Variants in RRM2 observed in about 807,000 individuals in gnomAD.
RRM2 encodes the protein ribonucleotide reductase regulatory subunit M2.
A neutral mutation model predicts 45.9 loss-of-function variants in RRM2; 6 were observed. The ratio of observed to expected loss-of-function variants is 0.13; its 90% CI spans 0.07 to 0.26. RRM2 has a LOEUF of 0.26. Ranked by LOEUF, RRM2 falls within the 10% of genes least tolerant of loss-of-function variation. The pLI, the probability that RRM2 is intolerant of heterozygous loss-of-function variation, is 1.00. For missense variants in RRM2, 343 were observed against 489.5 expected (o/e 0.70, Z 2.82); for synonymous variants, 177 against 173.0 (o/e 1.02, Z -0.18).
rs1306820223 is a variant in RRM2 at position 10,129,181 on chromosome 2, G to C, written c.1017+27G>C. On this transcript the variant is annotated intron_variant, in intron 9 of 9. Coordinates refer to ENST00000304567, the MANE Select transcript of RRM2 (RefSeq NM_001034.4). The surrounding 1 kb of genome is among the most constrained non-coding windows in gnomAD (Gnocchi z 4.8). ...TAAAGTATTGTTTACATAGCCTTTT[G>C]CTTGTTTTGAAGCTGGTGCTCTGTA... 1 of 1,613,886 alleles carries C rather than the reference G, an allele frequency of 6.2e-7. No homozygotes were observed. Among genetic ancestry groups the C allele is most frequent in the Admixed American group, 1.7e-5 (1 of 60,014 alleles).
At chr2:10,166,053 G>A (rs1007953214) in intron 3 of RRM2, among the ~76,000 whole-genome samples, 7 of 152,204 alleles carry the variant, frequency 4.6e-5, no homozygotes, top group South Asian at 2.1e-4. Flanking sequence ...TTGCTGGGTC[G>A]TCACAGGGGC....
At chr2:10,142,446 A>G in intron 3 of RRM2, 2 of 1,344,304 alleles carry the variant, frequency 1.5e-6, no homozygotes, top group Non-Finnish European at 2.0e-6. Flanking sequence ...GGGGCCTGTC[A>G]TCTGCTGTTT....
intron 5 of RRM2, among the ~76,000 whole-genome samples, chr2:10,126,057 G>A (rs1662770036): frequency 1.3e-5 from 2 of 151,776 alleles, no homozygotes; most frequent in African/African-American, 2.4e-5. Flanking sequence ...TACTTGGCAG[G>A]CTGAGGCAGA....
At position 10,123,760 on chromosome 2, in the gene RRM2, C is replaced by T; in HGVS notation, c.343C>T (p.His115Tyr). The change falls in exon 4 of 10, where the codon CAC (histidine) becomes TAC (tyrosine). Residue 115 changes from histidine to tyrosine, a missense_variant. Physicochemically the swap from His to Tyr is moderately conservative, Grantham distance 83. Coordinates refer to ENST00000304567, the MANE Select transcript of RRM2 (RefSeq NM_001034.4). ...GGTGGACCTCTCCAAGGACATTCAG[C>T]ACTGGGAATCCCTGAAACCCGAGGA... Reference protein sequence around the residue: ...EEVDLSKDIQHWESLKPEERY... With the variant: ...EEVDLSKDIQYWESLKPEERY... The T allele has an allele frequency of 6.2e-7, 1 of 1,609,346 alleles. No homozygotes were observed.
chr2:10,180,765 A>G (rs1353383605), intron 3 of RRM2, among the ~76,000 whole-genome samples: 1 of 151,736 alleles, frequency 6.6e-6, no homozygotes, highest in Non-Finnish European at 1.5e-5. Context: ...TTATTTATTT[A>G]TTTATTTATT....
intron 3 of RRM2, among the ~76,000 whole-genome samples, chr2:10,159,292 G>T (rs912239901): frequency 1.3e-5 from 2 of 152,194 alleles, no homozygotes; most frequent in Non-Finnish European, 2.9e-5. Flanking sequence ...GCCCCAGAGG[G>T]ATCCGAGGAG....
At chr2:10,164,468 G>A (rs575396383) in intron 3 of RRM2, among the ~76,000 whole-genome samples, 3 of 152,284 alleles carry the variant, frequency 2.0e-5, no homozygotes, top group South Asian at 4.1e-4. Context: ...TCACTGTAAC[G>A]ACCAATGAAC....
chr2:10,172,968 G>A lies in RRM2; in HGVS notation n.482+30593G>A, dbSNP rs1161514879. 3.3e-5 allele frequency among the ~76,000 whole-genome samples: 5 copies of A among 152,102 alleles called. No individual in the cohort carries two copies. The highest frequency in any genetic ancestry group is 7.3e-5 in the Non-Finnish European group (5 of 68,028). On this transcript the variant is annotated intron_variant and non_coding_transcript_variant, in intron 3 of 3. Transcript: ENST00000381786. This position sits in a 1 kb window ranked among gnomAD's most constrained non-coding sequence, Gnocchi z 4.9. Reference sequence around the variant, plus strand: ...TTGAATGGAAAATCCAGTTTCCTTCGCCGTCTTCCTTGTCTGTCCTCTCCT... The same window carrying A: ...TTGAATGGAAAATCCAGTTTCCTTCACCGTCTTCCTTGTCTGTCCTCTCCT...
At chr2:10,187,235 A>G (rs2125327554) in intron 3 of RRM2, among the ~76,000 whole-genome samples, 1 of 152,330 alleles carries the variant, frequency 6.6e-6, no homozygotes, top group Non-Finnish European at 1.5e-5. Flanking sequence ...TCCCGCAGGA[A>G]GATCAGCTCT....
At chr2:10,162,846 T>C (rs1206149322) in intron 3 of RRM2, among the ~76,000 whole-genome samples, 2 of 152,230 alleles carry the variant, frequency 1.3e-5, no homozygotes, top group Non-Finnish European at 2.9e-5. Context: ...CAGCCATCCA[T>C]GACAGGGGTT....
intron 3 of RRM2, among the ~76,000 whole-genome samples, chr2:10,147,567 G>A (rs1159488544): frequency 6.6e-6 from 1 of 152,136 alleles, no homozygotes; most frequent in Non-Finnish European, 1.5e-5. Context: ...CCCGGCTAGA[G>A]ATAAGTTTCT....
rs1302429481 is a variant in RRM2, at chr2:10,172,355, C to T, written n.482+29980C>T. Among the ~76,000 whole-genome samples, 1 of 152,134 alleles carries T rather than the reference C, an allele frequency of 6.6e-6. No individual in the cohort carries two copies. The highest frequency in any genetic ancestry group is 2.4e-5 in the African/African-American group (1 of 41,422). ...CTTCTGCTGCCTCCATCTGACCCTGCTCCGGAGGGACCAGGGGAGGGGCGG... is the reference window on the plus strand; with the variant it reads ...CTTCTGCTGCCTCCATCTGACCCTGTTCCGGAGGGACCAGGGGAGGGGCGG... On this transcript the variant is annotated intron_variant and non_coding_transcript_variant, in intron 3 of 3. Transcript: ENST00000381786. This position sits in a 1 kb window ranked among gnomAD's most constrained non-coding sequence, Gnocchi z 4.9.
chr2:10,188,377 C>T (rs72788345), intron 3 of RRM2, among the ~76,000 whole-genome samples: 6,165 of 152,298 alleles, frequency 0.04, 140 homozygotes, highest in Middle Eastern at 0.095. Context: ...GCCTCTCTTC[C>T]TGGCCAGCAG....
chr2:10,144,826 G>A (rs1267006778), intron 3 of RRM2, among the ~76,000 whole-genome samples: 2 of 152,184 alleles, frequency 1.3e-5, no homozygotes, highest in African/African-American at 4.8e-5. Flanking sequence ...GAGCACCAAG[G>A]AGCTCAGCCA....
chr2:10,197,217 G>A (rs1478136005), intron 3 of RRM2, among the ~76,000 whole-genome samples: 2 of 152,256 alleles, frequency 1.3e-5, no homozygotes, highest in Admixed American at 6.5e-5. Flanking sequence ...GAGGGCTGGT[G>A]TGCGGATCGA....
chr2:10,183,318 A>G (rs909637222), intron 3 of RRM2, among the ~76,000 whole-genome samples: 5 of 152,224 alleles, frequency 3.3e-5, no homozygotes, highest in African/African-American at 9.6e-5. Context: ...CTGATGTGCC[A>G]TCTGACCCCT....
chr2:10,174,266 T>C (rs1009225159), intron 3 of RRM2, among the ~76,000 whole-genome samples: 8 of 151,486 alleles, frequency 5.3e-5, no homozygotes, highest in African/African-American at 1.9e-4. Context: ...TGATTACGCT[T>C]TCCTGTCTGC....
chr2:10,128,639 A>T (rs1662831338), intron 7 of RRM2, among the ~76,000 whole-genome samples: 1 of 152,188 alleles, frequency 6.6e-6, no homozygotes. Context: ...GGCAACTTTG[A>T]GGGTCTTGAA....
chr2:10,176,515 G>T (rs1481054987), intron 3 of RRM2, among the ~76,000 whole-genome samples: 1 of 152,130 alleles, frequency 6.6e-6, no homozygotes, highest in East Asian at 1.9e-4. Flanking sequence ...TGATCTGCCC[G>T]CCTCGGCCTC....
Sources: allele counts gnomAD v4.1 joint callset (sites outside exome capture counted in the v4.1 genomes callset), GRCh38; gene constraint gnomAD v4.1.1; non-coding constraint Gnocchi (gnomAD v3.1); transcripts MANE v1.5; gene names NCBI Gene and HGNC (gene_info 2026-07-23, HGNC 2026-07-21).